SLC25A48: variants seen among roughly 807,000 people sequenced by gnomAD.
SLC25A48 encodes the protein CTC-321K16.1.
In SLC25A48, 29 loss-of-function variants were observed where a neutral mutation model predicts 32.2. The observed-to-expected ratio is 0.90, with a 90% confidence interval of 0.67 to 1.23. SLC25A48 has a LOEUF of 1.23. Among genes scored for constraint, SLC25A48 ranks in the 50% most tolerant of loss-of-function variants. The probability of loss-of-function intolerance (pLI) is 0.00; values close to 1 mark genes in which losing one functional copy is unlikely to be tolerated. For synonymous variants in SLC25A48, 164 were observed against 172.3 expected, an observed-to-expected ratio of 0.95 and a Z score of 0.38; for missense variants, 399 against 422.7, an observed-to-expected ratio of 0.94 and a Z score of 0.49.
At chr5:135,800,725 G>A (rs939844180) in intron 3 of SLC25A48, among the ~76,000 whole-genome samples, 1 of 151,782 alleles carries the variant, frequency 6.6e-6, no homozygotes, top group African/African-American at 2.4e-5. Context: ...GGAGGGGAGA[G>A]GGTGATACTA....
intron 7 of SLC25A48, among the ~76,000 whole-genome samples, chr5:135,884,800 C>T (rs1188257450): frequency 6.6e-6 from 1 of 152,152 alleles, no homozygotes; most frequent in Admixed American, 6.5e-5. Flanking sequence ...GGTGCTGTGT[C>T]CACAAGGCCA....
chr5:135,779,567 T>C (rs1350259272), intron 3 of SLC25A48, among the ~76,000 whole-genome samples: 2 of 61,118 alleles, frequency 3.3e-5, no homozygotes, highest in Non-Finnish European at 5.8e-5. Context: ...GGGGAGAGGA[T>C]GATATGACTC....
chr5:135,604,511 G>A (rs540169322), intron 1 of SLC25A48, among the ~76,000 whole-genome samples: 8 of 152,314 alleles, frequency 5.3e-5, no homozygotes, highest in African/African-American at 1.7e-4. Context: ...TGTAGCCAAC[G>A]GCTCCTTGCT....
Position 135,756,416 on chromosome 5 carries a change from G to A in SLC25A48, c.-520-56107G>A, listed in dbSNP as rs141447054. Reference sequence around the variant, plus strand: ...TAGTAAAATATCGACCTTGTGTGGTGGCTCATGCCTGTGATCCCAGGCCAA... The same window carrying A: ...TAGTAAAATATCGACCTTGTGTGGTAGCTCATGCCTGTGATCCCAGGCCAA... On this transcript the variant is annotated intron_variant, in intron 3 of 10. Transcript: ENST00000646290. Among the ~76,000 whole-genome samples, 783 of 152,122 alleles carry A rather than the reference G, an allele frequency of 5.1e-3. 4 individuals carry two copies. The highest frequency in any genetic ancestry group is 0.018 in the African/African-American group (751 of 41,520).
At chr5:135,704,315 G>C (rs1408365614) in intron 3 of SLC25A48, among the ~76,000 whole-genome samples, 1 of 152,158 alleles carries the variant, frequency 6.6e-6, no homozygotes, top group Non-Finnish European at 1.5e-5. Flanking sequence ...CCCCAGCCCT[G>C]GGCCTGTCTT....
At chr5:135,707,035 C>T (rs1017633907) in intron 3 of SLC25A48, among the ~76,000 whole-genome samples, 1 of 152,084 alleles carries the variant, frequency 6.6e-6, no homozygotes, top group African/African-American at 2.4e-5. Flanking sequence ...GATGAGTGGG[C>T]TTTGAGAGGG....
intron 3 of SLC25A48, among the ~76,000 whole-genome samples, chr5:135,767,362 A>T (rs1225709394): frequency 1.3e-5 from 2 of 151,862 alleles, no homozygotes; most frequent in African/African-American, 2.4e-5. Context: ...TATCTGGGAG[A>T]AGAGGATAAT....
At chr5:135,779,862 G>A (rs7713026) in intron 3 of SLC25A48, among the ~76,000 whole-genome samples, 9,421 of 115,770 alleles carry the variant, frequency 0.081, 2,126 homozygotes, top group African/African-American at 0.18. Context: ...ATCCAGGAAG[G>A]GGGAGGAGAG....
rs78348899 is a variant in SLC25A48, at chr5:135,846,304, G to T, written c.90+3845G>T. 4.0e-4 allele frequency among the ~76,000 whole-genome samples: 61 copies of T among 152,288 alleles called. 1 individual carries two copies. The East Asian group carries it at 0.01, about 26-fold the overall frequency. On this transcript the variant is annotated intron_variant, in intron 2 of 7. Transcript: ENST00000681962. ...GGGGATCACTCTTGTAGACCACTGG[G>T]ACTGGACTGCAATGGACAGGCTTTG...
At chr5:135,626,570 G>T (rs1752445517) in intron 1 of SLC25A48, among the ~76,000 whole-genome samples, 1 of 152,228 alleles carries the variant, frequency 6.6e-6, no homozygotes, top group Non-Finnish European at 1.5e-5. Flanking sequence ...GTGTGTCTGT[G>T]TGTGTGTGTG....
chr5:135,641,585 A>G (rs1309057929), intron 3 of SLC25A48, among the ~76,000 whole-genome samples: 3 of 152,202 alleles, frequency 2.0e-5, no homozygotes, highest in East Asian at 3.8e-4. Flanking sequence ...ATGCTCTCCA[A>G]TCAGCATTAG....
rs569023381 is a variant in SLC25A48 at position 135,873,440 on chromosome 5, A to G, written c.680-581A>G. ...TTCTATTCCACATACTTGAAAAAGA[A>G]AAGAGATTTTTCAAAAAGCTGTCCC... On this transcript the variant is annotated intron_variant, in intron 5 of 7. Coordinates refer to ENST00000681962, the MANE Select transcript of SLC25A48 (RefSeq NM_001349336.2). Among the ~76,000 whole-genome samples, 10 of 152,290 alleles carry G rather than the reference A, an allele frequency of 6.6e-5. No individual in the cohort carries two copies. In the South Asian group the frequency reaches 1.5e-3, roughly 22 times the overall value.
At chr5:135,810,158 C>A (rs891653982) in intron 3 of SLC25A48, among the ~76,000 whole-genome samples, 3 of 152,120 alleles carry the variant, frequency 2.0e-5, no homozygotes, top group Admixed American at 1.3e-4. Flanking sequence ...CATTTTGATG[C>A]CATGTTGGGG....
chr5:135,690,403 G>A (rs1054786973), intron 3 of SLC25A48, among the ~76,000 whole-genome samples: 1 of 152,118 alleles, frequency 6.6e-6, no homozygotes. Context: ...GAAGGTAAGC[G>A]TGCTCCAGAG....
intron 3 of SLC25A48, among the ~76,000 whole-genome samples, chr5:135,727,832 T>C (rs892893243): frequency 1.1e-4 from 17 of 152,220 alleles, no homozygotes; most frequent in Admixed American, 4.6e-4. Flanking sequence ...GGGAGAGTGA[T>C]TCTTTCCATT....
Position 135,871,719 on chromosome 5 carries a change from G to A in SLC25A48, c.679+1G>A. On this transcript the variant is annotated splice_donor_variant, in intron 5 of 7. Coordinates refer to ENST00000681962, the MANE Select transcript of SLC25A48 (RefSeq NM_001349336.2). LOFTEE classifies it high-confidence loss of function. ...GTGTGGCTGGCGGGCGGCATGGCAG[G>A]TAAGGGCAGCAGCAGCTGGAGCCGC... The A allele has an allele frequency of 1.2e-6, 2 of 1,613,082 alleles. No individual in the cohort carries two copies. Among genetic ancestry groups the A allele is most frequent in the South Asian group, 1.1e-5 (1 of 90,986 alleles).
chr5:135,763,138 C>T (rs974748408), intron 3 of SLC25A48, among the ~76,000 whole-genome samples: 2 of 151,980 alleles, frequency 1.3e-5, no homozygotes, highest in Non-Finnish European at 2.9e-5. Context: ...AAACACAAAC[C>T]CTGACCGTGG....
chr5:135,670,040 C>T (rs1753619129), intron 3 of SLC25A48, among the ~76,000 whole-genome samples: 1 of 152,184 alleles, frequency 6.6e-6, no homozygotes. Flanking sequence ...AATGATGTCC[C>T]TGCAATTTAG....
chr5:135,778,530 T>C, intron 3 of SLC25A48, among the ~76,000 whole-genome samples: 1 of 150,406 alleles, frequency 6.6e-6, no homozygotes, highest in Non-Finnish European at 1.5e-5. Flanking sequence ...TCGCAGAGGG[T>C]GTACACCATC....
Sources: gnomAD v4.1 joint callset for allele counts (sites outside exome capture counted in the v4.1 genomes callset) on GRCh38, gnomAD v4.1.1 for gene constraint, MANE v1.5 for transcripts, NCBI Gene and HGNC (gene_info 2026-07-23, HGNC 2026-07-21) for gene names.